The following CDC42EP3 variants were observed in gnomAD, a reference collection of about 807,000 sequenced individuals.
CDC42EP3 encodes the protein CDC42 effector protein (Rho GTPase binding) 3.
CDC42EP3 carries 4 observed loss-of-function variants against 15.5 expected under a neutral mutation model. The observed-to-expected ratio is 0.26, with a 90% confidence interval of 0.13 to 0.59. The LOEUF (loss-of-function observed/expected upper bound fraction) is 0.59. Among genes scored for constraint, CDC42EP3 ranks in the 20% least tolerant of loss-of-function variants. CDC42EP3 has a pLI of 0.89. For synonymous variants in CDC42EP3, 145 were observed against 130.3 expected, an observed-to-expected ratio of 1.11 and a Z score of -0.77; for missense variants, 309 against 311.2, an observed-to-expected ratio of 0.99 and a Z score of 0.05.
intron 1 of CDC42EP3, among the ~76,000 whole-genome samples, chr2:37,671,121 G>C (rs1232106052): frequency 6.6e-6 from 1 of 152,206 alleles, no homozygotes. Context: ...AATGCTATAC[G>C]CGCCCAGAAT....
chr2:37,644,876 C>A lies in CDC42EP3; in HGVS notation c.*947G>T, dbSNP rs1266931689. 6.7e-6 allele frequency: 1 copy of A among 148,288 alleles called. No individual in the cohort carries two copies. The highest frequency in any genetic ancestry group is 1.5e-5 in the Non-Finnish European group (1 of 67,582). 9.2% of individuals were successfully genotyped at this position (148,288 alleles called of 1,614,324 possible). A position where few individuals can be genotyped will look rare whatever the true frequency, so the allele number is the denominator to read the frequency against. On this transcript the variant is annotated 3_prime_UTR_variant, in exon 2 of 2. Transcript: ENST00000295324. ...CTTTTTATTGTGTTGCTTGAAGTAC[C>A]TATGTAATGCAAGTATGTACTGTAC... is the stretch of plus-strand genomic sequence containing the variant.
At chr2:37,648,411 T>C (rs1665546347) in intron 1 of CDC42EP3, among the ~76,000 whole-genome samples, 1 of 151,958 alleles carries the variant, frequency 6.6e-6, no homozygotes, top group African/African-American at 2.4e-5. Flanking sequence ...TCAGCAAGAG[T>C]TTTAAATTCA....
rs570245498 is a variant in CDC42EP3, at chr2:37,668,604, G to C, written c.-236+2822C>G. ...CCAAAGAGCTGCTGACTTTCACATA[G>C]GATTAGCCACTCATGCCTGCACATA... is the stretch of plus-strand genomic sequence containing the variant. On this transcript the variant is annotated intron_variant, in intron 1 of 1. Transcript: ENST00000295324. Among the ~76,000 whole-genome samples, 6 of 152,266 alleles carry C rather than the reference G, an allele frequency of 3.9e-5. No homozygotes were observed. The South Asian group carries it at 1.2e-3, about 32-fold the overall frequency.
intron 1 of CDC42EP3, among the ~76,000 whole-genome samples, chr2:37,667,783 A>G (rs1666290865): frequency 6.6e-6 from 1 of 152,234 alleles, no homozygotes; most frequent in Non-Finnish European, 1.5e-5. Flanking sequence ...CAGATTTAAC[A>G]ACTTCTCTGC....
chr2:37,661,893 TA>T (rs920289362), intron 1 of CDC42EP3, among the ~76,000 whole-genome samples: 1 of 151,914 alleles, frequency 6.6e-6, no homozygotes, highest in African/African-American at 2.4e-5. Context: ...TTCCTTGGCT[TA>T]AAAAAAAGTT....
At chr2:37,655,510 A>T (rs953279340) in intron 1 of CDC42EP3, among the ~76,000 whole-genome samples, 1 of 152,208 alleles carries the variant, frequency 6.6e-6, no homozygotes, top group Non-Finnish European at 1.5e-5. Flanking sequence ...TTTCCTATAA[A>T]AATGAGTTAC....
intron 1 of CDC42EP3, among the ~76,000 whole-genome samples, chr2:37,649,680 T>C (rs893693090): frequency 6.6e-6 from 1 of 151,986 alleles, no homozygotes; most frequent in Non-Finnish European, 1.5e-5. Context: ...GGGAGCAAGA[T>C]GCTCGTCAAG....
chr2:37,648,786 TG>T (rs1323537790), intron 1 of CDC42EP3, among the ~76,000 whole-genome samples: 1 of 152,218 alleles, frequency 6.6e-6, no homozygotes, highest in African/African-American at 2.4e-5. Flanking sequence ...ACTTCCTTCC[TG>T]TATGAGTGTA....
In CDC42EP3 at chr2:37,643,221, A is replaced by G. The variant is rs1174820554; in HGVS notation, c.*2602T>C. On this transcript the variant is annotated 3_prime_UTR_variant, in exon 2 of 2. Transcript: ENST00000295324. ...AGAAGGTTCACAGGATGAGAACATC[A>G]ATTCAGCTCACAGCAGGTATGGGTC... 6.6e-6 allele frequency: 1 copy of G among 152,224 alleles called. No individual in the cohort carries two copies. The highest frequency in any genetic ancestry group is 2.4e-5 in the African/African-American group (1 of 41,446). The allele number at this position is 152,224 out of a possible 1,614,324, so 9.4% of individuals were successfully genotyped here.
At chr2:37,651,179 T>C (rs1665665347) in intron 1 of CDC42EP3, among the ~76,000 whole-genome samples, 1 of 152,226 alleles carries the variant, frequency 6.6e-6, no homozygotes, top group Admixed American at 6.5e-5. Flanking sequence ...TGTACTGGCT[T>C]ATCTATAGAG....
intron 1 of CDC42EP3, among the ~76,000 whole-genome samples, chr2:37,649,192 G>A (rs552655011): frequency 5.3e-5 from 8 of 151,920 alleles, no homozygotes; most frequent in Non-Finnish European, 8.8e-5. Flanking sequence ...GGCACCCGCC[G>A]GTAGTCCCAG....
intron 1 of CDC42EP3, among the ~76,000 whole-genome samples, chr2:37,667,933 G>T (rs1042086096): frequency 7.9e-5 from 12 of 152,198 alleles, no homozygotes; most frequent in African/African-American, 2.7e-4. Context: ...ATCTGGAAAA[G>T]AAGAGCAATA....
intron 1 of CDC42EP3, among the ~76,000 whole-genome samples, chr2:37,661,240 G>A (rs1666048345): frequency 6.6e-6 from 1 of 152,012 alleles, no homozygotes; most frequent in African/African-American, 2.4e-5. Context: ...CTTCAGTAAA[G>A]GTCTGGGTTT....
At chr2:37,670,648 G>A (rs1226741178) in intron 1 of CDC42EP3, among the ~76,000 whole-genome samples, 1 of 152,088 alleles carries the variant, frequency 6.6e-6, no homozygotes, top group Non-Finnish European at 1.5e-5. Context: ...TAACATTCAA[G>A]TGCATATTTA....
intron 1 of CDC42EP3, among the ~76,000 whole-genome samples, chr2:37,652,924 A>AT (rs1558338826): frequency 6.6e-6 from 1 of 152,006 alleles, no homozygotes; most frequent in Non-Finnish European, 1.5e-5. Context: ...TAAATCTTAA[A>AT]AGACAGACAA....
intron 1 of CDC42EP3, among the ~76,000 whole-genome samples, chr2:37,651,898 G>A (rs1019039910): frequency 2.6e-5 from 4 of 151,936 alleles, no homozygotes; most frequent in African/African-American, 7.3e-5. Context: ...ACCTGGGGCC[G>A]GGCATGGTGG....
At position 37,669,252 on chromosome 2, in the gene CDC42EP3, AAAT is replaced by A. The variant is rs201251939; in HGVS notation, c.-236+2171_-236+2173del. On this transcript the variant is annotated intron_variant, in intron 1 of 1. Transcript: ENST00000295324. ...CCTGGCTAAAAAAAAAAAAAAAAAA[AAAT>A]CTTTGGGTGATACAGGTGAAAGCAA... 1.9e-3 allele frequency among the ~76,000 whole-genome samples: 286 copies of A among 146,926 alleles called. 1 individual carries two copies. Among genetic ancestry groups the A allele is most frequent in the African/African-American group, 4.2e-3 (162 of 38,670 alleles).
chr2:37,650,034 C>T (rs1484814843), intron 1 of CDC42EP3, among the ~76,000 whole-genome samples: 1 of 141,122 alleles, frequency 7.1e-6, no homozygotes, highest in Non-Finnish European at 1.5e-5. Context: ...ATCCTAACAG[C>T]TCCCAAATAC....
intron 1 of CDC42EP3, among the ~76,000 whole-genome samples, chr2:37,651,741 A>G (rs1394657790): frequency 6.6e-6 from 1 of 152,208 alleles, no homozygotes; most frequent in Non-Finnish European, 1.5e-5. Flanking sequence ...CGAGGAGGGA[A>G]GTGCAGGCAG....
Sources: gnomAD v4.1 joint callset for allele counts (sites outside exome capture counted in the v4.1 genomes callset) on GRCh38, gnomAD v4.1.1 for gene constraint, MANE v1.5 for transcripts, NCBI Gene and HGNC (gene_info 2026-07-23, HGNC 2026-07-21) for gene names.